LIMK1: variants seen among roughly 807,000 people sequenced by gnomAD.
The protein encoded by LIMK1 is LIM domain kinase 1.
LIMK1 carries 21 observed loss-of-function variants against 77.6 expected under a neutral mutation model. That is an observed-to-expected ratio of 0.27 (90% confidence interval 0.19 to 0.39). The LOEUF is 0.39. LIMK1 is among the 10% of genes least tolerant of loss of function. The pLI is 1.00. For missense variants in LIMK1, 696 were observed against 901.6 expected (o/e 0.77, Z 2.92); for synonymous variants, 358 against 370.0 (o/e 0.97, Z 0.37).
intron 5 of LIMK1, 40 bp downstream of exon 5, chr7:74,099,278 A>G (rs373252592): frequency 5.9e-5 from 93 of 1,573,440 alleles, no homozygotes; most frequent in Non-Finnish European, 7.5e-5. Flanking sequence ...CGGTGTGGCT[A>G]TGGCTGTTGA....
Position 74,121,342 on chromosome 7 carries a change from A to G in LIMK1, c.*41A>G. On this transcript the variant is annotated 3_prime_UTR_variant, in exon 16 of 16. Transcript: ENST00000336180. ...CTGCCCCTGTCCCCACCTCTGGAGA[A>G]TCCACCCCCACCAGATTCCTCCGCG... 1 of 1,503,182 alleles carries G rather than the reference A, an allele frequency of 6.7e-7. No individual in the cohort carries two copies. Among genetic ancestry groups the G allele is most frequent in the Non-Finnish European group, 8.9e-7 (1 of 1,123,022 alleles). The allele number at this position is 1,503,182 out of a possible 1,614,324, so 93.1% of individuals were successfully genotyped here.
intron 12 of LIMK1, among the ~76,000 whole-genome samples, chr7:74,113,917 C>T (rs1198790233): frequency 6.6e-6 from 1 of 152,074 alleles, no homozygotes; most frequent in African/African-American, 2.4e-5. Flanking sequence ...GATTGTGTCA[C>T]TGCACTCCAG....
intron 13 of LIMK1, among the ~76,000 whole-genome samples, chr7:74,117,353 C>A (rs1368888763): frequency 1.3e-5 from 2 of 151,996 alleles, no homozygotes; most frequent in Admixed American, 6.6e-5. Context: ...TGACATTGGG[C>A]CCACCTGGAT....
At chr7:74,095,183 G>A in intron 2 of LIMK1, among the ~76,000 whole-genome samples, 1 of 152,096 alleles carries the variant, frequency 6.6e-6, no homozygotes, top group Admixed American at 6.5e-5. Flanking sequence ...ATCTCATCCA[G>A]GTCCCAGTCT....
chr7:74,121,968 G>A lies in LIMK1; in HGVS notation c.*667G>A, dbSNP rs548495030. On this transcript the variant is annotated 3_prime_UTR_variant, in exon 16 of 16. Transcript: ENST00000336180. The stretch of plus-strand genomic sequence containing the variant: ...TTGTTTCTTTCTTAAAGCCACTTTA[G>A]TGAGAAGCAGGTACCAAGCCTCAGG... 6.5e-6 allele frequency: 1 copy of A among 152,814 alleles called. No homozygotes were observed. The highest frequency in any genetic ancestry group is 2.4e-5 in the African/African-American group (1 of 41,578). The allele number at this position is 152,814 out of a possible 1,614,324, so 9.5% of individuals were successfully genotyped here.
intron 11 of LIMK1, 86 bp from the exon 12 acceptor site, chr7:74,111,846 TG>T: frequency 6.9e-7 from 1 of 1,445,492 alleles, no homozygotes; most frequent in South Asian, 1.1e-5. Context: ...CTGATTGGGG[TG>T]GGAGCAGAGG....
At chr7:74,084,142 C>A in intron 1 of LIMK1, 97 bp downstream of exon 1, 1 of 519,290 alleles carries the variant, frequency 1.9e-6, no homozygotes, top group Non-Finnish European at 3.2e-6. Context: ...AGGCCGCGCC[C>A]CTGCCTCCTC....
At chr7:74,118,276 C>T (rs1554699925) in intron 13 of LIMK1, among the ~76,000 whole-genome samples, 2 of 151,294 alleles carry the variant, frequency 1.3e-5, no homozygotes. Context: ...ACCCGGGAGG[C>T]TGAGGCAGGA....
intron 5 of LIMK1, among the ~76,000 whole-genome samples, chr7:74,100,124 C>T (rs1421792881): frequency 6.6e-6 from 1 of 152,116 alleles, no homozygotes; most frequent in Non-Finnish European, 1.5e-5. Flanking sequence ...ATTGTAGTCA[C>T]AGCTACTTGG....
intron 12 of LIMK1, among the ~76,000 whole-genome samples, chr7:74,114,123 G>A (rs1450710030): frequency 6.6e-6 from 1 of 151,936 alleles, no homozygotes; most frequent in African/African-American, 2.4e-5. Flanking sequence ...GGTGGTGGGT[G>A]CCTGTAGTCT....
At chr7:74,097,707 A>G (rs1554695900) in intron 4 of LIMK1, among the ~76,000 whole-genome samples, 1 of 152,178 alleles carries the variant, frequency 6.6e-6, no homozygotes, top group Non-Finnish European at 1.5e-5. Flanking sequence ...CAGCTTTCTT[A>G]CTGGCCATGA....
chr7:74,090,612 G>A (rs782757946), intron 2 of LIMK1, among the ~76,000 whole-genome samples: 33 of 152,262 alleles, frequency 2.2e-4, no homozygotes, highest in Middle Eastern at 3.4e-3. Flanking sequence ...GTCTCCCTCG[G>A]GCCCTGGGCT....
At chr7:74,090,686 AC>A (rs1217062178) in intron 2 of LIMK1, among the ~76,000 whole-genome samples, 5 of 151,784 alleles carry the variant, frequency 3.3e-5, no homozygotes, top group African/African-American at 1.2e-4. Context: ...AGGGCCCCTC[AC>A]CCCTCTGAAG....
chr7:74,117,005 C>T (rs529504074), intron 13 of LIMK1, among the ~76,000 whole-genome samples: 1 of 152,084 alleles, frequency 6.6e-6, no homozygotes, highest in South Asian at 2.1e-4. Context: ...CCTCAGCCTC[C>T]CGAGTAGCTG....
chr7:74,111,266 G>A (rs996856879), intron 10 of LIMK1: 13 of 215,250 alleles, frequency 6.0e-5, no homozygotes, highest in African/African-American at 1.1e-4. Context: ...GTGAAACCCC[G>A]TCTCTACTAA....
At chr7:74,102,482 C>CTTTTTTTTTTTTTTTTTTTTTT (rs782517343) in intron 5 of LIMK1, among the ~76,000 whole-genome samples, 3 of 25,682 alleles carry the variant, frequency 1.2e-4, no homozygotes, top group South Asian at 1.8e-3. Context: ...GAAGGACCTT[C>CTTTTTTTTTTTTTTTTTTTTTT]TCTTTTTTTT....
At chr7:74,089,569 G>A (rs1040829347) in intron 2 of LIMK1, among the ~76,000 whole-genome samples, 5 of 152,180 alleles carry the variant, frequency 3.3e-5, no homozygotes, top group Admixed American at 6.6e-5. Context: ...ACTGGCGAAT[G>A]GCAGGGTGGA....
intron 2 of LIMK1, among the ~76,000 whole-genome samples, chr7:74,090,910 A>G (rs1311201556): frequency 6.6e-6 from 1 of 151,878 alleles, no homozygotes; most frequent in Admixed American, 6.6e-5. Flanking sequence ...AGGGGGTGCT[A>G]TTTATTTATT....
chr7:74,121,102 A>G, intron 15 of LIMK1, 37 bp from the exon 16 acceptor site: 9 of 1,603,362 alleles, frequency 5.6e-6, no homozygotes, highest in African/African-American at 1.3e-5. Flanking sequence ...TTCCCGGGAC[A>G]GCCAGACCCA....
Sources: allele counts gnomAD v4.1 joint callset (sites outside exome capture counted in the v4.1 genomes callset), GRCh38; gene constraint gnomAD v4.1.1; transcripts MANE v1.5; gene names NCBI Gene and HGNC (gene_info 2026-07-23, HGNC 2026-07-21).